The following CLYBL variants were observed in gnomAD, a reference collection of about 807,000 sequenced individuals.
CLYBL encodes the protein citramalyl-CoA lyase, mitochondrial.
Under a neutral mutation model 38.9 loss-of-function variants are expected in CLYBL, and 31 were observed. That is an observed-to-expected ratio of 0.80 (90% CI 0.60 to 1.08). CLYBL has a LOEUF of 1.08. Among genes scored for constraint, CLYBL ranks in the 50% least tolerant of loss-of-function variants. CLYBL has a pLI of 0.00. For synonymous variants in CLYBL, 171 were observed against 158.6 expected (o/e 1.08, Z -0.59); for missense variants, 434 against 411.6 (o/e 1.05, Z -0.47).
intron 1 of CLYBL, among the ~76,000 whole-genome samples, chr13:99,752,500 G>A (rs1360450337): frequency 6.6e-6 from 1 of 152,164 alleles, no homozygotes; most frequent in African/African-American, 2.4e-5. Flanking sequence ...CTGGTGGACA[G>A]GCTGGAGAAT....
intron 1 of CLYBL, among the ~76,000 whole-genome samples, chr13:99,657,434 T>C (rs747002462): frequency 1.3e-5 from 2 of 152,218 alleles, no homozygotes; most frequent in Non-Finnish European, 2.9e-5. Flanking sequence ...TATATAAATA[T>C]TGTCTTTTGA....
chr13:99,716,387 TTTC>T (rs1262600152), intron 1 of CLYBL, among the ~76,000 whole-genome samples: 1 of 146,138 alleles, frequency 6.8e-6, no homozygotes, highest in Non-Finnish European at 1.5e-5. Flanking sequence ...TTTTCTTTCT[TTTC>T]TTTTCTTTTT....
chr13:99,674,141 T>G (rs1486986626), intron 1 of CLYBL, among the ~76,000 whole-genome samples: 1 of 128,720 alleles, frequency 7.8e-6, no homozygotes, highest in Non-Finnish European at 1.6e-5. Context: ...CTACTAGAAT[T>G]CTTTTTTTTT....
chr13:99,874,816 A>C (rs961472560), intron 7 of CLYBL, among the ~76,000 whole-genome samples: 13 of 152,198 alleles, frequency 8.5e-5, no homozygotes, highest in Non-Finnish European at 1.9e-4. Context: ...GCTTTTTTAA[A>C]ACAGTCACTA....
At chr13:99,723,368 C>G (rs771456038) in intron 1 of CLYBL, among the ~76,000 whole-genome samples, 5 of 152,216 alleles carry the variant, frequency 3.3e-5, no homozygotes, top group Non-Finnish European at 7.4e-5. Flanking sequence ...ATTGCCATCA[C>G]ATACCAATGA....
chr13:99,802,113 G>A (rs180754965), intron 2 of CLYBL, among the ~76,000 whole-genome samples: 1 of 152,216 alleles, frequency 6.6e-6, no homozygotes, highest in South Asian at 2.1e-4. Flanking sequence ...CTGTAGATTG[G>A]GTGGCTTAAA....
chr13:99,776,231 A>T (rs1474519471), intron 2 of CLYBL, among the ~76,000 whole-genome samples: 1 of 150,960 alleles, frequency 6.6e-6, no homozygotes, highest in Non-Finnish European at 1.5e-5. Context: ...GCAGTGGCTC[A>T]CATCAGTATT....
At chr13:99,732,169 G>GC (rs373844559) in intron 1 of CLYBL, among the ~76,000 whole-genome samples, 5 of 90,778 alleles carry the variant, frequency 5.5e-5, no homozygotes, top group African/African-American at 1.7e-4. Flanking sequence ...TTATATGGCA[G>GC]TTTTTTTTTT....
At chr13:99,795,887 C>T (rs2050012469) in intron 2 of CLYBL, among the ~76,000 whole-genome samples, 1 of 152,162 alleles carries the variant, frequency 6.6e-6, no homozygotes, top group Admixed American at 6.5e-5. Flanking sequence ...AGCCCCCTGC[C>T]ATTTTGCAGG....
At chr13:99,754,831 A>C (rs2049029791) in intron 1 of CLYBL, among the ~76,000 whole-genome samples, 1 of 143,018 alleles carries the variant, frequency 7.0e-6, no homozygotes, top group Admixed American at 7.4e-5. Context: ...TGACCTCGTG[A>C]TCCACTCGCC....
chr13:99,702,297 CT>C (rs1391560141), intron 1 of CLYBL, among the ~76,000 whole-genome samples: 2 of 152,046 alleles, frequency 1.3e-5, no homozygotes, highest in Non-Finnish European at 2.9e-5. Context: ...ATTTTTAAGT[CT>C]GCTTTTTAAC....
intron 1 of CLYBL, among the ~76,000 whole-genome samples, chr13:99,705,589 T>A (rs1320032774): frequency 4.6e-5 from 7 of 151,384 alleles, no homozygotes; most frequent in African/African-American, 1.7e-4. Flanking sequence ...AAAAAAAGCA[T>A]GAAATTCTGA....
In CLYBL at chr13:99,612,602, T is replaced by C. The variant is rs370083793; in HGVS notation, c.62+5845T>C. Among the ~76,000 whole-genome samples the C allele has an allele frequency of 1.8e-4, 27 of 151,984 alleles. No individual in the cohort carries two copies. The East Asian group carries it at 1.9e-3, about 11-fold the overall frequency. ...GGGGTTTCGCCATGTTGCCCAGGCT[T>C]GTCTCAAACTCCTGGATTCAAGCAG... is the stretch of plus-strand genomic sequence containing the variant. On this transcript the variant is annotated intron_variant, in intron 1 of 8. Coordinates refer to ENST00000339105, the MANE Select transcript of CLYBL (RefSeq NM_206808.5).
intron 1 of CLYBL, among the ~76,000 whole-genome samples, chr13:99,669,931 G>A (rs954873108): frequency 3.4e-4 from 51 of 152,212 alleles, no homozygotes; most frequent in African/African-American, 1.1e-3. Context: ...CATGGCTTAC[G>A]CCTGTAATCC....
chr13:99,807,023 G>A (rs752425264), intron 2 of CLYBL, among the ~76,000 whole-genome samples: 1 of 152,200 alleles, frequency 6.6e-6, no homozygotes, highest in Non-Finnish European at 1.5e-5. Context: ...AGCTACCCTA[G>A]TGCTTCCAGT....
At chr13:99,759,550 A>G (rs1360438359) in intron 1 of CLYBL, among the ~76,000 whole-genome samples, 1 of 152,154 alleles carries the variant, frequency 6.6e-6, no homozygotes, top group African/African-American at 2.4e-5. Context: ...CCCTGAAACA[A>G]GCAGTGCAGA....
At chr13:99,686,208 T>C (rs909779735) in intron 1 of CLYBL, among the ~76,000 whole-genome samples, 1 of 152,204 alleles carries the variant, frequency 6.6e-6, no homozygotes, top group Admixed American at 6.5e-5. Context: ...GGAGACCTTC[T>C]TTCAATCCAG....
chr13:99,877,786 C>T (rs1264473581), intron 7 of CLYBL: 1 of 207,622 alleles, frequency 4.8e-6, no homozygotes, highest in Non-Finnish European at 9.8e-6. Flanking sequence ...TTTGGTCAGG[C>T]TGGTCTCAAA....
rs145207753 is a variant in CLYBL, at chr13:99,705,356, G to A, written c.63-67468G>A. Among the ~76,000 whole-genome samples, 39 of 152,204 alleles carry A rather than the reference G, an allele frequency of 2.6e-4. 1 individual carries two copies. The highest frequency in any genetic ancestry group is 3.4e-3 in the Middle Eastern group (1 of 294). On this transcript the variant is annotated intron_variant, in intron 1 of 8. Transcript: ENST00000339105. Reference sequence around the variant, plus strand: ...AGCACTTTGGGAGGCTACGGTGGGCGGATCACCTGAGGTCAGGAGTTTAAG... The same window carrying A: ...AGCACTTTGGGAGGCTACGGTGGGCAGATCACCTGAGGTCAGGAGTTTAAG...
Sources: gnomAD v4.1 joint callset for allele counts (sites outside exome capture counted in the v4.1 genomes callset) on GRCh38, gnomAD v4.1.1 for gene constraint, MANE v1.5 for transcripts, NCBI Gene and HGNC (gene_info 2026-07-23, HGNC 2026-07-21) for gene names.